C1QTNF7: variants seen among roughly 807,000 people sequenced by gnomAD.
C1QTNF7 encodes the protein C1q and TNF related 7.
A neutral mutation model predicts 19.6 loss-of-function variants in C1QTNF7; 15 were observed. The ratio of observed to expected loss-of-function variants is 0.76; its 90% CI spans 0.51 to 1.18. The LOEUF is 1.18. C1QTNF7 is among the 50% of genes most tolerant of loss of function. C1QTNF7 has a pLI of 0.00. For missense variants in C1QTNF7, 324 were observed against 359.7 expected (o/e 0.90, Z 0.80); for synonymous variants, 142 against 137.5 (o/e 1.03, Z -0.23).
intron 1 of C1QTNF7, among the ~76,000 whole-genome samples, chr4:15,390,498 T>C (rs182221479): frequency 1.3e-5 from 2 of 152,252 alleles, no homozygotes; most frequent in African/African-American, 4.8e-5. Context: ...GGGAGTTCCT[T>C]TTGTGAGCAG....
intron 1 of C1QTNF7, among the ~76,000 whole-genome samples, chr4:15,354,820 T>C (rs1479086298): frequency 6.6e-6 from 1 of 152,032 alleles, no homozygotes; most frequent in Non-Finnish European, 1.5e-5. Context: ...AAATTTACAT[T>C]ATGGGCTCCC....
chr4:15,376,165 T>G (rs1433063416), intron 1 of C1QTNF7, among the ~76,000 whole-genome samples: 1 of 152,224 alleles, frequency 6.6e-6, no homozygotes, highest in Admixed American at 6.5e-5. Flanking sequence ...TGTATAAACA[T>G]GTCTGTAGTT....
intron 1 of C1QTNF7, among the ~76,000 whole-genome samples, chr4:15,420,304 C>G (rs1711687401): frequency 6.6e-6 from 1 of 152,172 alleles, no homozygotes; most frequent in Non-Finnish European, 1.5e-5. Context: ...TACAGTCAAC[C>G]TTCAGTTTTC....
At chr4:15,362,589 A>G (rs1189410409) in intron 1 of C1QTNF7, 4 of 152,230 alleles carry the variant, frequency 2.6e-5, no homozygotes, top group African/African-American at 9.6e-5. Flanking sequence ...TGATTAAAAA[A>G]TTATAGTTTT....
At chr4:15,371,347 G>A (rs568171625) in intron 1 of C1QTNF7, among the ~76,000 whole-genome samples, 2 of 152,340 alleles carry the variant, frequency 1.3e-5, no homozygotes, top group Admixed American at 1.3e-4. Flanking sequence ...GCGTATGCTT[G>A]CTAGTCATAC....
At chr4:15,347,683 T>C (rs1716767196) in intron 1 of C1QTNF7, among the ~76,000 whole-genome samples, 1 of 152,180 alleles carries the variant, frequency 6.6e-6, no homozygotes, top group Non-Finnish European at 1.5e-5. Context: ...CACTTAGTGA[T>C]ATCTAAAGGA....
chr4:15,397,404 G>A (rs1175566661), intron 1 of C1QTNF7, among the ~76,000 whole-genome samples: 2 of 152,234 alleles, frequency 1.3e-5, no homozygotes, highest in African/African-American at 4.8e-5. Flanking sequence ...CTGGGCCTAA[G>A]CTCAGGGCTC....
intron 1 of C1QTNF7, among the ~76,000 whole-genome samples, chr4:15,410,807 A>C (rs1217969483): frequency 6.6e-6 from 1 of 152,206 alleles, no homozygotes; most frequent in Admixed American, 6.5e-5. Context: ...TATTAGGGGA[A>C]CAAATCTTTT....
chr4:15,417,853 G>A (rs926577232), intron 1 of C1QTNF7, among the ~76,000 whole-genome samples: 2 of 152,208 alleles, frequency 1.3e-5, no homozygotes, highest in African/African-American at 4.8e-5. Flanking sequence ...GGGCCACATG[G>A]ATCAAGTGGG....
intron 1 of C1QTNF7, among the ~76,000 whole-genome samples, chr4:15,351,516 A>C (rs1307845598): frequency 6.6e-6 from 1 of 152,206 alleles, no homozygotes; most frequent in African/African-American, 2.4e-5. Context: ...ATATTACATA[A>C]ATAAAGGAGA....
At chr4:15,432,302 C>T (rs559264249) in intron 1 of C1QTNF7, among the ~76,000 whole-genome samples, 1 of 152,326 alleles carries the variant, frequency 6.6e-6, no homozygotes, top group East Asian at 1.9e-4. Context: ...ATGCACACCC[C>T]GTGGTCTTCT....
chr4:15,340,104 T>A, exon 1 of C1QTNF7: 1 of 1,416,458 alleles, frequency 7.1e-7, no homozygotes, highest in Non-Finnish European at 9.8e-7. Flanking sequence ...TAAACACATA[T>A]TTCTGCTTTA....
chr4:15,367,523 A>G (rs1440975346), intron 1 of C1QTNF7, among the ~76,000 whole-genome samples: 8 of 152,210 alleles, frequency 5.3e-5, no homozygotes, highest in African/African-American at 1.4e-4. Flanking sequence ...CAGCCGATGC[A>G]GCTCACTAGG....
In C1QTNF7 at chr4:15,380,729, G is replaced by A. The variant is rs577327048; in HGVS notation, c.13+40522G>A. On this transcript the variant is annotated intron_variant, in intron 1 of 2. Coordinates refer to the C1QTNF7 transcript ENST00000295297. Reference sequence around the variant, plus strand: ...ACAAGTGGATCACTTGAGGCCAGGCGTTTGAGACAAGCCTGGCCAATGTGG... The same window carrying A: ...ACAAGTGGATCACTTGAGGCCAGGCATTTGAGACAAGCCTGGCCAATGTGG... Among the ~76,000 whole-genome samples the A allele has an allele frequency of 7.9e-5, 12 of 152,190 alleles. 1 individual carries two copies. The South Asian group carries it at 8.3e-4, about 11-fold the overall frequency.
intron 1 of C1QTNF7, among the ~76,000 whole-genome samples, chr4:15,399,543 T>C (rs1202511854): frequency 6.6e-6 from 1 of 152,238 alleles, no homozygotes; most frequent in African/African-American, 2.4e-5. Context: ...ATAATAATCA[T>C]GTACGTAGTG....
At chr4:15,410,829 C>T (rs773266584) in intron 1 of C1QTNF7, among the ~76,000 whole-genome samples, 7 of 152,166 alleles carry the variant, frequency 4.6e-5, no homozygotes, top group South Asian at 2.1e-4. Flanking sequence ...CAAAGCAGCA[C>T]GAAGGCAGCC....
chr4:15,340,087 C>A, exon 1 of C1QTNF7: 1 of 1,291,966 alleles, frequency 7.7e-7, no homozygotes, highest in Non-Finnish European at 1.1e-6. Flanking sequence ...GGAGTAGCTT[C>A]GAATAATAAA....
At chr4:15,351,260 T>G (rs889705421) in intron 1 of C1QTNF7, among the ~76,000 whole-genome samples, 1 of 152,178 alleles carries the variant, frequency 6.6e-6, no homozygotes, top group Non-Finnish European at 1.5e-5. Flanking sequence ...TCATCCTTCC[T>G]TCCTTCCTCT....
intron 1 of C1QTNF7, among the ~76,000 whole-genome samples, chr4:15,389,110 C>T (rs1224483811): frequency 6.6e-6 from 1 of 152,164 alleles, no homozygotes; most frequent in African/African-American, 2.4e-5. Flanking sequence ...ATACAGGGGA[C>T]TTTGCTGATG....
Sources: gnomAD v4.1 joint callset for allele counts (sites outside exome capture counted in the v4.1 genomes callset) on GRCh38, gnomAD v4.1.1 for gene constraint, MANE v1.5 for transcripts, NCBI Gene and HGNC (gene_info 2026-07-23, HGNC 2026-07-21) for gene names.